Variants in ARRB2 observed in about 807,000 individuals in gnomAD.
ARRB2 encodes arrestin beta 2.
ARRB2 carries 21 observed loss-of-function variants against 53.4 expected under a neutral mutation model. The observed-to-expected ratio is 0.39, with a 90% CI of 0.28 to 0.57. The LOEUF is 0.57. ARRB2 is among the 20% of genes least tolerant of loss of function. The probability of loss-of-function intolerance (pLI) is 0.55; values close to 1 mark genes in which losing one functional copy is unlikely to be tolerated. For missense variants in ARRB2, 369 were observed against 527.5 expected, an observed-to-expected ratio of 0.70 and a Z score of 2.94; for synonymous variants, 180 against 212.9, an observed-to-expected ratio of 0.85 and a Z score of 1.34.
At position 4,720,463 on chromosome 17, in the gene ARRB2, C is replaced by T; in HGVS notation, c.1072C>T (p.Pro358Ser). The T allele has an allele frequency of 6.2e-7, 1 of 1,612,712 alleles. No homozygotes were observed. Among genetic ancestry groups the T allele is most frequent in the Non-Finnish European group, 8.5e-7 (1 of 1,179,236 alleles). The change falls in exon 13 of 15, where the codon CCC becomes TCC. Residue 358 changes from proline (P) to serine (S), a missense_variant. Physicochemically the swap from Pro to Ser is moderately conservative, Grantham distance 74 (BLOSUM62 -1). Coordinates refer to ENST00000269260, the MANE Select transcript of ARRB2 (RefSeq NM_004313.4). ...KPHDHIPLPR[P>S]QSAAPETDVP... ...CCACGACCACATCCCCCTCCCCAGA[C>T]CCCAGTCAGGTGAGCACACTACCCA...
At chr17:4,715,492 C>CACACACACACAG (rs1914870071) in intron 2 of ARRB2, 7 of 172,960 alleles carry the variant, frequency 4.0e-5, no homozygotes, top group Admixed American at 8.9e-5. Flanking sequence ...CACAGACACA[C>CACACACACACAG]ACACACATAC....
intron 2 of ARRB2, chr17:4,715,402 G>A (rs1914846539): frequency 5.9e-6 from 2 of 337,856 alleles, no homozygotes; most frequent in Non-Finnish European, 1.1e-5. Context: ...AGCCCCTTGA[G>A]GGGACCTAGT....
At position 4,717,921 on chromosome 17, in the gene ARRB2, G is replaced by A. The variant is rs1435481206; in HGVS notation, c.519G>A (p.Gln173=). Residue 173 remains glutamine, a synonymous_variant, in exon 8 of 15, where the codon CAG becomes CAA. Coordinates refer to ENST00000269260, the MANE Select transcript of ARRB2 (RefSeq NM_004313.4). The surrounding 1 kb of genome is among the most constrained non-coding windows in gnomAD (Gnocchi z 6.0). Reference sequence around the variant, plus strand: ...TGCGGCTGGTGATCCGAAAGGTGCAGTTCGCCCCGGAGAAACCCGGCCCCC... The same window carrying A: ...TGCGGCTGGTGATCCGAAAGGTGCAATTCGCCCCGGAGAAACCCGGCCCCC... ...NSVRLVIRKV[Q]FAPEKPGPQP... The A allele has an allele frequency of 6.2e-7, 1 of 1,613,964 alleles. No homozygotes were observed. The highest frequency in any genetic ancestry group is 1.7e-5 in the Admixed American group (1 of 60,020).
At chr17:4,720,154 C>T (rs1915543885) in intron 11 of ARRB2, 62 bp from the exon 12 acceptor site, 1 of 1,536,432 alleles carries the variant, frequency 6.5e-7, no homozygotes, top group African/African-American at 1.4e-5. Context: ...CGTGGGAACC[C>T]CACGGTGGGC....
intron 10 of ARRB2, among the ~76,000 whole-genome samples, chr17:4,718,914 T>TG (rs1452112021): frequency 6.6e-6 from 1 of 151,670 alleles, no homozygotes; most frequent in Non-Finnish European, 1.5e-5. Context: ...CCCACGTAGC[T>TG]GGGACTACAG....
At chr17:4,720,182 G>A in intron 11 of ARRB2, 34 bp from the exon 12 acceptor site, 3 of 1,586,870 alleles carry the variant, frequency 1.9e-6, no homozygotes, top group Non-Finnish European at 2.6e-6. Flanking sequence ...CAGGGTGATA[G>A]GCCCTGGTCT....
In ARRB2 at chr17:4,719,273, C is replaced by T. The variant is rs1915437664; in HGVS notation, c.780-10C>T. On this transcript the variant is annotated splice_polypyrimidine_tract_variant and intron_variant, in intron 10 of 14. Transcript: ENST00000269260. ...CCCTAAGCATCTTGTTCTCTTGTCC[C>T]CACCCCCAGTGACCAGGTATCTCCC... 6.2e-7 allele frequency: 1 copy of T among 1,608,210 alleles called. No homozygotes were observed. Among genetic ancestry groups the T allele is most frequent in the Non-Finnish European group, 8.5e-7 (1 of 1,176,112 alleles).
chr17:4,712,254 C>T (rs577977220), intron 1 of ARRB2, among the ~76,000 whole-genome samples: 1 of 152,240 alleles, frequency 6.6e-6, no homozygotes, highest in Non-Finnish European at 1.5e-5. Flanking sequence ...GCTACCATAT[C>T]GATGTGTATT....
At chr17:4,716,663 G>C in intron 5 of ARRB2, 55 bp downstream of exon 5, 3 of 1,537,064 alleles carry the variant, frequency 2.0e-6, no homozygotes, top group African/African-American at 2.7e-5. Context: ...GACTGTGTCT[G>C]GGGTGGGGGT....
chr17:4,712,875 C>A (rs1914556694), intron 1 of ARRB2, among the ~76,000 whole-genome samples: 1 of 152,266 alleles, frequency 6.6e-6, no homozygotes, highest in Non-Finnish European at 1.5e-5. Context: ...CCACCATTTA[C>A]TCCCTCTGTG....
Position 4,715,957 on chromosome 17 carries a change from C to A in ARRB2, c.55-16C>A, listed in dbSNP as rs1300918191. ...CATCCTCCCCAATCTCCCCTGTGACCCCTTGACATCCTCAGCTCACCGTGT... is the reference window on the plus strand; with the variant it reads ...CATCCTCCCCAATCTCCCCTGTGACACCTTGACATCCTCAGCTCACCGTGT... On this transcript the variant is annotated splice_polypyrimidine_tract_variant and intron_variant, in intron 2 of 14. Transcript: ENST00000269260. 6.2e-7 allele frequency: 1 copy of A among 1,614,164 alleles called. No individual in the cohort carries two copies.
Position 4,717,838 on chromosome 17 carries a change from G to C in ARRB2, c.486-50G>C, listed in dbSNP as rs770610622. ...CCAGGCCCCGTGCGGGGGAGGAGTA[G>C]GGTTGGGGTGTGTGAGGAATGACCC... On this transcript the variant is annotated intron_variant, in intron 7 of 14. Coordinates refer to ENST00000269260, the MANE Select transcript of ARRB2 (RefSeq NM_004313.4). This position sits in a 1 kb window ranked among gnomAD's most constrained non-coding sequence, Gnocchi z 6.0. 2.7e-5 allele frequency: 43 copies of C among 1,613,120 alleles called. No individual in the cohort carries two copies. Among genetic ancestry groups the C allele is most frequent in the Non-Finnish European group, 3.6e-5 (42 of 1,179,676 alleles).
At chr17:4,714,938 G>T in intron 1 of ARRB2, 75 bp from the exon 2 acceptor site, 1 of 1,499,674 alleles carries the variant, frequency 6.7e-7, no homozygotes, top group Non-Finnish European at 9.1e-7. Flanking sequence ...TCAGGCCTGG[G>T]AGGGAGAGGG....
At position 4,710,706 on chromosome 17, in the gene ARRB2, G is replaced by A. The variant is rs868661717; in HGVS notation, c.-16G>A. ...CGAGCGAGCCGCGAACCGAGCGGGC[G>A]GCGGGCGCGCGCACCATGGGGGAGA... On this transcript the variant is annotated 5_prime_UTR_variant, in exon 1 of 15. Transcript: ENST00000269260. 26 of 399,098 alleles carry A rather than the reference G, an allele frequency of 6.5e-5. No homozygotes were observed. Among genetic ancestry groups the A allele is most frequent in the Middle Eastern group, 5.9e-4 (1 of 1,706 alleles). 24.7% of individuals were successfully genotyped at this position (399,098 alleles called of 1,614,324 possible).
In ARRB2 at chr17:4,716,529, A is replaced by ACCCCCCCCCGCCCCC; in HGVS notation, c.281_282insCCCCCCGCCCCCCCC (p.Pro95_Arg96insProProProProPro). On this transcript the variant is annotated inframe_insertion, in exon 5 of 15. Transcript: ENST00000269260. ...TACCAGGCCTTCCCCCCGGTGCCCAACCCACCCCGGCCCCCCACCCGCCTG... is the reference window on the plus strand; with the variant it reads ...TACCAGGCCTTCCCCCCGGTGCCCAACCCCCCCCCGCCCCCCCCACCCCGGCCCCCCACCCGCCTG... The ACCCCCCCCCGCCCCC allele has an allele frequency of 3.9e-6, 6 of 1,520,798 alleles. No homozygotes were observed. The highest frequency in any genetic ancestry group is 2.2e-5 in the South Asian group (2 of 89,260). The allele number at this position is 1,520,798 out of a possible 1,614,324, so 94.2% of individuals were successfully genotyped here.
At position 4,715,958 on chromosome 17, in the gene ARRB2, C is replaced by T. The variant is rs1252127687; in HGVS notation, c.55-15C>T. 3 of 1,614,040 alleles carry T rather than the reference C, an allele frequency of 1.9e-6. No individual in the cohort carries two copies. Among genetic ancestry groups the T allele is most frequent in the Admixed American group, 1.7e-5 (1 of 59,998 alleles). ...ATCCTCCCCAATCTCCCCTGTGACC[C>T]CTTGACATCCTCAGCTCACCGTGTA... is the stretch of plus-strand genomic sequence containing the variant. On this transcript the variant is annotated splice_polypyrimidine_tract_variant and intron_variant, in intron 2 of 14. Coordinates refer to ENST00000269260, the MANE Select transcript of ARRB2 (RefSeq NM_004313.4).
chr17:4,720,207 C>T lies in ARRB2; in HGVS notation c.918-9C>T, dbSNP rs1254908636. 2 of 1,609,232 alleles carry T rather than the reference C, an allele frequency of 1.2e-6. No homozygotes were observed. The highest frequency in any genetic ancestry group is 4.5e-5 in the East Asian group (2 of 44,688). On this transcript the variant is annotated splice_polypyrimidine_tract_variant and intron_variant, in intron 11 of 14. Coordinates refer to ENST00000269260, the MANE Select transcript of ARRB2 (RefSeq NM_004313.4). ...GGCCCTGGTCTGACTCCAACACCCT[C>T]AATTGCAGCGTGAAGGAGGGTGCCA...
At chr17:4,720,370 A>C in intron 12 of ARRB2, 23 bp from the exon 13 acceptor site, 1 of 1,613,572 alleles carries the variant, frequency 6.2e-7, no homozygotes, top group Non-Finnish European at 8.5e-7. Flanking sequence ...CGTCCTCTTC[A>C]CGATGCCTCT....
chr17:4,716,737 T>G (rs1190770400), intron 5 of ARRB2, 129 bp downstream of exon 5: 2 of 1,438,600 alleles, frequency 1.4e-6, no homozygotes, highest in African/African-American at 2.9e-5. Context: ...CCACTTCCCT[T>G]CAGGGTCCCA....
Sources: gnomAD v4.1 joint callset for allele counts (sites outside exome capture counted in the v4.1 genomes callset) on GRCh38, gnomAD v4.1.1 for gene constraint, Gnocchi (gnomAD v3.1) non-coding constraint, MANE v1.5 for transcripts, NCBI Gene and HGNC (gene_info 2026-07-23, HGNC 2026-07-21) for gene names.